The following WDR17 variants were observed in gnomAD, a reference collection of about 807,000 sequenced individuals.
WDR17 encodes the protein WD repeat-containing protein 17.
A neutral mutation model predicts 161.7 loss-of-function variants in WDR17; 143 were observed. The ratio of observed to expected loss-of-function variants is 0.88; its 90% CI spans 0.77 to 1.02. The LOEUF (loss-of-function observed/expected upper bound fraction) is 1.02. WDR17 is among the 50% of genes least tolerant of loss of function. The pLI, the probability that WDR17 is intolerant of heterozygous loss-of-function variation, is 0.00. For missense variants in WDR17, 1,469 were observed against 1,520.9 expected, an observed-to-expected ratio of 0.97 and a Z score of 0.57; for synonymous variants, 517 against 515.6, an observed-to-expected ratio of 1.00 and a Z score of -0.04.
intron 1 of WDR17, among the ~76,000 whole-genome samples, chr4:176,075,049 G>A (rs1317138911): frequency 5.9e-5 from 9 of 151,652 alleles, no homozygotes; most frequent in African/African-American, 1.2e-4. Context: ...TTTAAATGCA[G>A]AAACATAAGT....
At chr4:176,145,114 A>G (rs1432170720) in intron 11 of WDR17, among the ~76,000 whole-genome samples, 2 of 152,186 alleles carry the variant, frequency 1.3e-5, no homozygotes, top group African/African-American at 4.8e-5. Flanking sequence ...AAGGGTTTTG[A>G]TGACAGTTGT....
At position 176,160,982 on chromosome 4, in the gene WDR17, C is replaced by T. The variant is rs1748952853; in HGVS notation, c.2730C>T (p.Ile910=). ...VPKGASYSDD[I]YKEDFNELLH... is the part of the protein sequence containing the mutation. ...AAGGAGCTTCATATTCTGATGATATCTACAAGGAAGACTTTAATGAGTGAG... is the reference window on the plus strand; with the variant it reads ...AAGGAGCTTCATATTCTGATGATATTTACAAGGAAGACTTTAATGAGTGAG... The change falls in exon 20 of 29, where the codon ATC becomes ATT. Residue 910 remains isoleucine (I), a synonymous_variant. Transcript: ENST00000508596. The T allele has an allele frequency of 6.2e-7, 1 of 1,609,372 alleles. No homozygotes were observed. The highest frequency in any genetic ancestry group is 8.5e-7 in the Non-Finnish European group (1 of 1,177,966).
At chr4:176,109,051 A>T (rs1739280395) in intron 1 of WDR17, among the ~76,000 whole-genome samples, 1 of 152,172 alleles carries the variant, frequency 6.6e-6, no homozygotes, top group South Asian at 2.1e-4. Flanking sequence ...TGGCCTCCCA[A>T]AGTGCTGGGA....
intron 7 of WDR17, among the ~76,000 whole-genome samples, 178 bp from the exon 8 acceptor site, chr4:176,134,930 C>T (rs189591280): frequency 1.3e-5 from 2 of 151,724 alleles, no homozygotes; most frequent in African/African-American, 4.8e-5. Flanking sequence ...ACAGTAATGG[C>T]ACAGAGAACA....
In WDR17 at chr4:176,177,056, A is replaced by G. The variant is rs1561224603; in HGVS notation, c.3450-2A>G. 1 of 1,611,880 alleles carries G rather than the reference A, an allele frequency of 6.2e-7. No homozygotes were observed. The highest frequency in any genetic ancestry group is 8.5e-7 in the Non-Finnish European group (1 of 1,178,312). ...ATGTTAATTTCCTTTTCACACGTTCAGTCAGCTATTAAAACGTCGGGAGGT... is the reference window on the plus strand; with the variant it reads ...ATGTTAATTTCCTTTTCACACGTTCGGTCAGCTATTAAAACGTCGGGAGGT... On this transcript the variant is annotated splice_acceptor_variant, in intron 26 of 28. Coordinates refer to ENST00000508596, the MANE Select transcript of WDR17 (RefSeq NM_181265.4). LOFTEE classifies it high-confidence loss of function.
intron 17 of WDR17, among the ~76,000 whole-genome samples, chr4:176,154,420 G>A (rs1475284466): frequency 6.6e-6 from 1 of 152,164 alleles, no homozygotes; most frequent in Admixed American, 6.5e-5. Context: ...GGCGGAGGTT[G>A]CAGTGAGCCA....
rs199648327 is a variant in WDR17 at position 176,177,472 on chromosome 4, T to A, written c.3550T>A (p.Ser1184Thr). 7.2e-5 allele frequency: 111 copies of A among 1,537,870 alleles called. No individual in the cohort carries two copies. The highest frequency in any genetic ancestry group is 9.4e-5 in the Non-Finnish European group (108 of 1,149,406). The change falls in exon 28 of 29, where the codon TCA (serine) becomes ACA (threonine). Residue 1184 changes from serine (S) to threonine (T), a missense_variant and splice_region_variant. By Grantham distance (58) the Ser-to-Thr change is moderately conservative. Coordinates refer to ENST00000508596, the MANE Select transcript of WDR17 (RefSeq NM_181265.4). The part of the protein sequence containing the change: ...WRACTQSTNR[S>T]LEDSPYTPPS... ...TTTTGATATCTGTTGAAAATATAGA[T>A]CATTAGAAGACTCTCCGTATACACC...
Position 176,150,135 on chromosome 4 carries a change from C to T in WDR17, c.2140C>T (p.Gln714Ter), listed in dbSNP as rs371649006. The T allele has an allele frequency of 1.8e-5, 29 of 1,613,484 alleles. No individual in the cohort carries two copies. The highest frequency in any genetic ancestry group is 2.1e-5 in the Non-Finnish European group (25 of 1,179,890). Residue 714 changes from glutamine to a stop codon, truncating the protein, a stop_gained, in exon 15 of 29, where the codon CAA becomes TAA. Transcript: ENST00000508596. LOFTEE classifies it high-confidence loss of function. ...AATAGAAAAACTAACTGCTAATTCT[C>T]AAGTGAAAAAACTAAGATGGTTCTC... ...QEIEKLTANS[Q>*]VKKLRWFSEC... is the part of the protein sequence containing the mutation.
At chr4:176,135,608 A>G (rs553523920) in intron 8 of WDR17, among the ~76,000 whole-genome samples, 43 of 151,612 alleles carry the variant, frequency 2.8e-4, no homozygotes, top group Admixed American at 4.6e-4. Context: ...TTTTCTGGAA[A>G]GTTTTAATGT....
rs939496010 is a variant in WDR17, at chr4:176,084,804, C to T, written c.-7+18725C>T. Among the ~76,000 whole-genome samples, 200 of 145,218 alleles carry T rather than the reference C, an allele frequency of 1.4e-3. 1 individual carries two copies. Among genetic ancestry groups the T allele is most frequent in the African/African-American group, 4.7e-3 (187 of 39,548 alleles). On this transcript the variant is annotated intron_variant, in intron 1 of 28. Transcript: ENST00000508596. The stretch of plus-strand genomic sequence containing the variant: ...TATATATAAAATATATATATATATA[C>T]ACACATGCTTATATTTCCATAAGGG...
intron 23 of WDR17, among the ~76,000 whole-genome samples, chr4:176,169,225 T>A (rs1750345815): frequency 6.6e-6 from 1 of 152,186 alleles, no homozygotes; most frequent in Non-Finnish European, 1.5e-5. Flanking sequence ...TAATGAAATA[T>A]AATGAAATTT....
intron 1 of WDR17, among the ~76,000 whole-genome samples, chr4:176,109,430 A>G (rs1442546017): frequency 1.3e-5 from 2 of 152,160 alleles, no homozygotes; most frequent in Non-Finnish European, 2.9e-5. Flanking sequence ...ACATAAAAGC[A>G]CTCAAGATTG....
At chr4:176,168,916 A>C in intron 23 of WDR17, 133 bp downstream of exon 23, 1 of 929,506 alleles carries the variant, frequency 1.1e-6, no homozygotes. Context: ...AAGTACAACA[A>C]AAGTGTTGTA....
intron 1 of WDR17, among the ~76,000 whole-genome samples, chr4:176,089,589 G>A (rs1735854736): frequency 6.6e-6 from 1 of 152,062 alleles, no homozygotes; most frequent in Admixed American, 6.6e-5. Context: ...TGAGTGCCGA[G>A]TGTTGTATGT....
chr4:176,133,926 A>T (rs975475444), intron 7 of WDR17, among the ~76,000 whole-genome samples: 1 of 151,782 alleles, frequency 6.6e-6, no homozygotes, highest in South Asian at 2.1e-4. Context: ...AAACATTTAC[A>T]ATTTTGTTCT....
In WDR17 at chr4:176,148,260, T is replaced by G. The variant is rs764580412; in HGVS notation, c.1822T>G (p.Tyr608Asp). Reference protein sequence around the residue: ...PYLLISGSWDYTIKVWDTREG... With the variant: ...PYLLISGSWDDTIKVWDTREG... Reference sequence around the variant, plus strand: ...TCTGCTCATATCTGGCAGCTGGGACTATACTATAAAAGTATGGGACACTCG... The same window carrying G: ...TCTGCTCATATCTGGCAGCTGGGACGATACTATAAAAGTATGGGACACTCG... Residue 608 changes from tyrosine to aspartate, a missense_variant, in exon 13 of 29, where the codon TAT becomes GAT. Transcript: ENST00000508596. 3.1e-6 allele frequency: 5 copies of G among 1,613,836 alleles called. No individual in the cohort carries two copies. The South Asian group carries it at 4.4e-5, about 14-fold the overall frequency.
chr4:176,173,392 A>T, intron 25 of WDR17, 23 bp downstream of exon 25: 1 of 1,463,414 alleles, frequency 6.8e-7, no homozygotes, highest in East Asian at 2.3e-5. Flanking sequence ...TCTGCAAAAT[A>T]TATAAGTGAA....
At chr4:176,164,287 G>A (rs1452696847) in intron 22 of WDR17, among the ~76,000 whole-genome samples, 1 of 152,182 alleles carries the variant, frequency 6.6e-6, no homozygotes, top group African/African-American at 2.4e-5. Flanking sequence ...TGCATTCTTA[G>A]CTGTCAGACT....
At chr4:176,111,388 G>T (rs1739709858) in intron 1 of WDR17, 187 bp from the exon 2 acceptor site, 1 of 415,104 alleles carries the variant, frequency 2.4e-6, no homozygotes, top group Non-Finnish European at 4.1e-6. Context: ...TAAATTAGTT[G>T]CCTTGATGTC....
Sources: gnomAD v4.1 joint callset for allele counts (sites outside exome capture counted in the v4.1 genomes callset) on GRCh38, gnomAD v4.1.1 for gene constraint, MANE v1.5 for transcripts, NCBI Gene and HGNC (gene_info 2026-07-23, HGNC 2026-07-21) for gene names.